CTIF: variants seen among roughly 807,000 people sequenced by gnomAD.
The protein encoded by CTIF is cap binding complex dependent translation initiation factor.
Under a neutral mutation model 66.0 loss-of-function variants are expected in CTIF, and 21 were observed. The observed-to-expected ratio is 0.32, with a 90% CI of 0.23 to 0.46. The LOEUF is 0.46. CTIF is among the 20% of genes least tolerant of loss of function. The pLI is 1.00. For synonymous variants in CTIF, 345 were observed against 326.4 expected (o/e 1.06, Z -0.62); for missense variants, 739 against 812.7 (o/e 0.91, Z 1.10).
At chr18:48,687,305 GACACACACACACACACACACAC>G (rs3082465) in intron 6 of CTIF, among the ~76,000 whole-genome samples, 101 of 128,638 alleles carry the variant, frequency 7.9e-4, no homozygotes, top group African/African-American at 2.2e-3. Context: ...TCTAGGAGGG[GACACACACACACACACACACAC>G]ACACACACAC....
At chr18:48,697,059 A>C (rs1273420979) in intron 6 of CTIF, among the ~76,000 whole-genome samples, 1 of 152,200 alleles carries the variant, frequency 6.6e-6, no homozygotes, top group Non-Finnish European at 1.5e-5. Flanking sequence ...GCAGAGCAAG[A>C]GATATTGCCT....
chr18:48,852,932 T>G (rs1817163634), intron 10 of CTIF, among the ~76,000 whole-genome samples: 1 of 152,190 alleles, frequency 6.6e-6, no homozygotes, highest in Non-Finnish European at 1.5e-5. Flanking sequence ...CGATAATAAT[T>G]CTGTGCCATG....
At chr18:48,597,216 G>A (rs1290605782) in intron 1 of CTIF, among the ~76,000 whole-genome samples, 1 of 152,228 alleles carries the variant, frequency 6.6e-6, no homozygotes, top group African/African-American at 2.4e-5. Flanking sequence ...TGAGGCAGCA[G>A]GAAAAGGAGG....
At chr18:48,568,971 A>T (rs1444785628) in intron 1 of CTIF, among the ~76,000 whole-genome samples, 2 of 152,184 alleles carry the variant, frequency 1.3e-5, no homozygotes, top group Admixed American at 6.5e-5. Context: ...AACCCAGATC[A>T]GTTGCTCTCT....
chr18:48,851,446 C>T (rs2069198386), intron 10 of CTIF, among the ~76,000 whole-genome samples: 1 of 152,210 alleles, frequency 6.6e-6, no homozygotes, highest in African/African-American at 2.4e-5. Flanking sequence ...CGGGAGGCTT[C>T]CACGCAGCCC....
At chr18:48,579,418 T>A (rs1320683697) in intron 1 of CTIF, among the ~76,000 whole-genome samples, 2 of 152,216 alleles carry the variant, frequency 1.3e-5, no homozygotes, top group African/African-American at 4.8e-5. Context: ...AGTGCTGGGA[T>A]GACAGGTGTG....
chr18:48,584,704 T>C (rs1223674304), intron 1 of CTIF, among the ~76,000 whole-genome samples: 2 of 152,170 alleles, frequency 1.3e-5, no homozygotes, highest in African/African-American at 4.8e-5. Context: ...CTGCCCACCA[T>C]GCTGAACCCA....
At chr18:48,847,222 C>T (rs1273194681) in intron 10 of CTIF, among the ~76,000 whole-genome samples, 7 of 150,518 alleles carry the variant, frequency 4.7e-5, no homozygotes, top group African/African-American at 1.7e-4. Flanking sequence ...GCAGGAGAAT[C>T]GCTTGAACCC....
chr18:48,851,159 G>A (rs923604183), intron 10 of CTIF, among the ~76,000 whole-genome samples: 2 of 152,228 alleles, frequency 1.3e-5, no homozygotes, highest in African/African-American at 4.8e-5. Context: ...CCTCTGCCCT[G>A]ACAGGAGTTG....
At chr18:48,760,190 T>A (rs12969017) in intron 8 of CTIF, 3 of 147,748 alleles carry the variant, frequency 2.0e-5, no homozygotes, top group Non-Finnish European at 4.5e-5. Context: ...CCTTTCTTTT[T>A]TTTTTTTTTT....
In CTIF at chr18:48,730,480, C is replaced by T. The variant is rs1468285465; in HGVS notation, c.584+18785C>T. The stretch of plus-strand genomic sequence containing the variant: ...GCTTCCGCGGTGTGAGGGGCTTCCG[C>T]GGTGTGAGGGGCTTCTGCGGTGTGA... On this transcript the variant is annotated intron_variant, in intron 7 of 11. Coordinates refer to ENST00000256413, the MANE Select transcript of CTIF (RefSeq NM_014772.3). 3.1e-4 allele frequency among the ~76,000 whole-genome samples: 38 copies of T among 121,562 alleles called. 10 individuals are homozygous for T. The highest frequency in any genetic ancestry group is 4.1e-4 in the Non-Finnish European group (23 of 55,864). The allele number at this position is 121,562 out of a possible 152,430, so 79.7% of individuals were successfully genotyped here.
chr18:48,569,422 C>A (rs1302074725), intron 1 of CTIF, among the ~76,000 whole-genome samples: 1 of 146,758 alleles, frequency 6.8e-6, no homozygotes, highest in East Asian at 2.0e-4. Context: ...GTGCACCCAG[C>A]AAACTTAGAA....
At chr18:48,665,651 C>G (rs1269700679) in intron 5 of CTIF, among the ~76,000 whole-genome samples, 1 of 152,190 alleles carries the variant, frequency 6.6e-6, no homozygotes, top group African/African-American at 2.4e-5. Flanking sequence ...ATCACCACCC[C>G]CAGTCCCTGG....
At chr18:48,606,833 T>G (rs74555731) in intron 1 of CTIF, among the ~76,000 whole-genome samples, 465 of 152,264 alleles carry the variant, frequency 3.1e-3, no homozygotes, top group African/African-American at 9.5e-3. Context: ...GTCCTCAGTT[T>G]CCTAATTTGT....
rs560966246 is a variant in CTIF at position 48,553,907 on chromosome 18, T to C, written c.-29+14595T>C. Among the ~76,000 whole-genome samples the C allele has an allele frequency of 2.6e-5, 4 of 152,194 alleles. No individual in the cohort carries two copies. The East Asian group carries it at 7.7e-4, about 29-fold the overall frequency. Reference sequence around the variant, plus strand: ...TAATCTCCTGACCTCGTAATCTGCCTGCCTCGGCCTCCCAAAGTGCTGGGA... The same window carrying C: ...TAATCTCCTGACCTCGTAATCTGCCCGCCTCGGCCTCCCAAAGTGCTGGGA... On this transcript the variant is annotated intron_variant, in intron 1 of 11. Coordinates refer to ENST00000256413, the MANE Select transcript of CTIF (RefSeq NM_014772.3).
chr18:48,545,745 T>G (rs59926593), intron 1 of CTIF, among the ~76,000 whole-genome samples: 1 of 152,158 alleles, frequency 6.6e-6, no homozygotes, highest in South Asian at 2.1e-4. Flanking sequence ...AGCTAGAGGC[T>G]GCAGAAGTGT....
intron 1 of CTIF, among the ~76,000 whole-genome samples, chr18:48,569,980 A>T (rs2089374803): frequency 6.6e-6 from 1 of 152,250 alleles, no homozygotes; most frequent in Non-Finnish European, 1.5e-5. Context: ...AGACATAGAC[A>T]AATGAATAGT....
chr18:48,689,026 G>T (rs2091886590), intron 6 of CTIF, among the ~76,000 whole-genome samples: 1 of 152,214 alleles, frequency 6.6e-6, no homozygotes, highest in African/African-American at 2.4e-5. Context: ...CCATGCCGGG[G>T]CACAGAGAGG....
In CTIF at chr18:48,640,208, G is replaced by A. The variant is rs117259536; in HGVS notation, c.252+3523G>A. Among the ~76,000 whole-genome samples, 163 of 152,306 alleles carry A rather than the reference G, an allele frequency of 1.1e-3. 3 individuals carry two copies. The East Asian group carries it at 0.026, about 24-fold the overall frequency. On this transcript the variant is annotated intron_variant, in intron 3 of 11. Transcript: ENST00000256413. ...CGGGGACACCACCCATGAGCACCCCGGCTGGCTCCTTGCTGCACTCACGCG... is the reference window on the plus strand; with the variant it reads ...CGGGGACACCACCCATGAGCACCCCAGCTGGCTCCTTGCTGCACTCACGCG...
Sources: gnomAD v4.1 joint callset for allele counts (sites outside exome capture counted in the v4.1 genomes callset) on GRCh38, gnomAD v4.1.1 for gene constraint, MANE v1.5 for transcripts, NCBI Gene and HGNC (gene_info 2026-07-23, HGNC 2026-07-21) for gene names.